Variants in SPAG16 observed in about 807,000 individuals in gnomAD.
SPAG16 encodes sperm-associated antigen 16 protein.
In SPAG16, 86 loss-of-function variants were observed where a neutral mutation model predicts 80.4. The ratio of observed to expected loss-of-function variants is 1.07; its 90% CI spans 0.90 to 1.28. The LOEUF (loss-of-function observed/expected upper bound fraction) is 1.28, where lower values mean the gene tolerates loss of function less well. Ranked by LOEUF, SPAG16 falls within the 50% of genes most tolerant of loss-of-function variation. SPAG16 has a pLI of 0.00. For missense variants in SPAG16, 870 were observed against 765.3 expected (o/e 1.14, Z -1.61); for synonymous variants, 294 against 265.9 (o/e 1.11, Z -1.03).
intron 14 of SPAG16, 83 bp from the exon 15 acceptor site, chr2:214,149,053 GTATA>G (rs5838412): frequency 5.3e-5 from 15 of 282,486 alleles, no homozygotes; most frequent in East Asian, 2.6e-4. Context: ...GTGTGTGTGT[GTATA>G]TATATATGTG....
chr2:213,860,469 C>CTATATATAGATATATGTATATATATAATA (rs763500105), intron 10 of SPAG16, among the ~76,000 whole-genome samples: 2 of 131,206 alleles, frequency 1.5e-5, no homozygotes, highest in Admixed American at 1.5e-4. Flanking sequence ...ACAGATATAT[C>CTATATATAGATATATGTATATATATAATA]TATCTATATA....
rs566647814 is a variant in SPAG16, at chr2:214,342,673, A to C, written c.1721-67467A>C. Reference sequence around the variant, plus strand: ...AGAAATAGAGTGCATAATAAATGTAATGTGCTTGAATCATCCCAAAACCAC... The same window carrying C: ...AGAAATAGAGTGCATAATAAATGTACTGTGCTTGAATCATCCCAAAACCAC... On this transcript the variant is annotated intron_variant, in intron 15 of 15. Transcript: ENST00000331683. Among the ~76,000 whole-genome samples the C allele has an allele frequency of 1.3e-4, 20 of 152,236 alleles. No homozygotes were observed. In the South Asian group the frequency reaches 3.7e-3, roughly 28 times the overall value.
At chr2:214,064,280 A>T (rs148469488) in intron 13 of SPAG16, among the ~76,000 whole-genome samples, 1 of 152,234 alleles carries the variant, frequency 6.6e-6, no homozygotes, top group African/African-American at 2.4e-5. Context: ...GTTTTTAATT[A>T]TACTTATATA....
rs531841171 is a variant in SPAG16 at position 214,168,799 on chromosome 2, G to C, written c.1720+19533G>C. ...GCTGAATCGATTACCTGAGAGCAAAGGGGAACAAACCCCCCGGGTAGGTTC... is the reference window on the plus strand; with the variant it reads ...GCTGAATCGATTACCTGAGAGCAAACGGGAACAAACCCCCCGGGTAGGTTC... On this transcript the variant is annotated intron_variant, in intron 15 of 15. Coordinates refer to ENST00000331683, the MANE Select transcript of SPAG16 (RefSeq NM_024532.5). 1.3e-5 allele frequency among the ~76,000 whole-genome samples: 2 copies of C among 152,172 alleles called. 1 individual carries two copies. The highest frequency in any genetic ancestry group is 4.1e-4 in the South Asian group (2 of 4,820).
intron 10 of SPAG16, among the ~76,000 whole-genome samples, chr2:213,564,395 T>C (rs2059693806): frequency 6.6e-6 from 1 of 150,804 alleles, no homozygotes; most frequent in Admixed American, 6.6e-5. Flanking sequence ...CTCGAGAGGC[T>C]GAGGCAGGAG....
rs556355932 is a variant in SPAG16, at chr2:214,076,131, T to G, written c.1528-32065T>G. On this transcript the variant is annotated intron_variant, in intron 13 of 15. Transcript: ENST00000331683. ...CATATGCATTTAAGTTTTAAATGAA[T>G]AGTAAACAGTGATATGGATAACCCA... 3.3e-5 allele frequency among the ~76,000 whole-genome samples: 5 copies of G among 152,296 alleles called. 2 individuals carry two copies. The South Asian group carries it at 1.0e-3, about 32-fold the overall frequency.
intron 15 of SPAG16, among the ~76,000 whole-genome samples, chr2:214,393,314 A>G (rs1304770543): frequency 6.6e-6 from 1 of 152,188 alleles, no homozygotes; most frequent in African/African-American, 2.4e-5. Flanking sequence ...GAAATATACA[A>G]AATTTGGCTT....
At chr2:213,760,973 A>G (rs978772914) in intron 10 of SPAG16, among the ~76,000 whole-genome samples, 2 of 152,172 alleles carry the variant, frequency 1.3e-5, no homozygotes, top group African/African-American at 4.8e-5. Flanking sequence ...GGCAGGATTT[A>G]TGGGAGGACT....
At chr2:214,294,780 A>C (rs1395036730) in intron 15 of SPAG16, among the ~76,000 whole-genome samples, 11 of 152,194 alleles carry the variant, frequency 7.2e-5, no homozygotes, top group Admixed American at 7.2e-4. Context: ...GTCTTCCCCA[A>C]AGAAGAGAGT....
intron 15 of SPAG16, among the ~76,000 whole-genome samples, chr2:214,149,648 G>A (rs978380239): frequency 6.6e-6 from 1 of 151,968 alleles, no homozygotes; most frequent in African/African-American, 2.4e-5. Context: ...AAATGAACCT[G>A]AAATATTTTT....
chr2:214,198,460 T>C (rs1165041472), intron 15 of SPAG16, among the ~76,000 whole-genome samples: 1 of 152,118 alleles, frequency 6.6e-6, no homozygotes, highest in East Asian at 1.9e-4. Flanking sequence ...TTGAGTAGTA[T>C]TCTTGGTGTA....
rs998516929 is a variant in SPAG16, at chr2:214,267,635, G to A, written c.1720+118369G>A. ...AACCTCAAAAGCACAAGCACCAAGA[G>A]AAAATAAAGATATCACAAATAAATG... is the stretch of plus-strand genomic sequence containing the variant. On this transcript the variant is annotated intron_variant, in intron 15 of 15. Transcript: ENST00000331683. Among the ~76,000 whole-genome samples, 5 of 151,622 alleles carry A rather than the reference G, an allele frequency of 3.3e-5. No homozygotes were observed. In the South Asian group the frequency reaches 8.3e-4, roughly 25 times the overall value.
intron 7 of SPAG16, among the ~76,000 whole-genome samples, chr2:213,362,782 C>T (rs1169850894): frequency 1.3e-5 from 2 of 152,072 alleles, no homozygotes; most frequent in African/African-American, 2.4e-5. Context: ...AAGGAATACC[C>T]GAGACTGGGT....
chr2:213,731,453 T>G (rs1456719121), intron 10 of SPAG16, among the ~76,000 whole-genome samples: 1 of 127,684 alleles, frequency 7.8e-6, no homozygotes, highest in East Asian at 2.4e-4. Flanking sequence ...AGCCACCATG[T>G]CCAGCTGTTT....
chr2:214,027,466 G>A (rs1207090724), intron 13 of SPAG16, among the ~76,000 whole-genome samples: 1 of 151,544 alleles, frequency 6.6e-6, no homozygotes, highest in Non-Finnish European at 1.5e-5. Flanking sequence ...ATCCTTGCAG[G>A]TTTATTTTTT....
chr2:213,540,311 A>G (rs2076401970), intron 10 of SPAG16, among the ~76,000 whole-genome samples: 1 of 152,102 alleles, frequency 6.6e-6, no homozygotes, highest in African/African-American at 2.4e-5. Flanking sequence ...TGGCCTCCCA[A>G]AGTGCTGGGA....
At chr2:213,982,972 T>A (rs1042616018) in intron 12 of SPAG16, among the ~76,000 whole-genome samples, 4 of 152,006 alleles carry the variant, frequency 2.6e-5, no homozygotes, top group Non-Finnish European at 5.9e-5. Flanking sequence ...ATTCTAATCA[T>A]CCAAAATACA....
chr2:213,665,252 A>C (rs13024335), intron 10 of SPAG16, among the ~76,000 whole-genome samples: 50,988 of 151,734 alleles, frequency 0.34, 8,768 homozygotes, highest in Middle Eastern at 0.45. Context: ...ACTGAAGCTA[A>C]ATTGTGGCTG....
rs1559581340 is a variant in SPAG16, at chr2:213,913,603, ACATG to A, written c.1215-16356_1215-16353del. ...TGTACATGTACATATATGTATATGT[ACATG>A]TACATATATGTATATGTACATGTAC... On this transcript the variant is annotated intron_variant, in intron 11 of 15. Coordinates refer to ENST00000331683, the MANE Select transcript of SPAG16 (RefSeq NM_024532.5). Among the ~76,000 whole-genome samples the A allele has an allele frequency of 1.6e-4, 9 of 57,302 alleles. 1 individual carries two copies. The highest frequency in any genetic ancestry group is 3.6e-5 in the Non-Finnish European group (1 of 28,158). The allele number at this position is 57,302 out of a possible 152,430, so 37.6% of individuals were successfully genotyped here.
Sources: gnomAD v4.1 joint callset for allele counts (sites outside exome capture counted in the v4.1 genomes callset) on GRCh38, gnomAD v4.1.1 for gene constraint, MANE v1.5 for transcripts, NCBI Gene and HGNC (gene_info 2026-07-23, HGNC 2026-07-21) for gene names.